Variants in HS3ST4 observed in about 807,000 individuals in gnomAD.
The protein encoded by HS3ST4 is heparan sulfate glucosamine 3-O-sulfotransferase 4.
In HS3ST4, 17 loss-of-function variants were observed where a neutral mutation model predicts 29.2. The ratio of observed to expected loss-of-function variants is 0.58; its 90% CI spans 0.40 to 0.87. The LOEUF (loss-of-function observed/expected upper bound fraction) is 0.87. HS3ST4 is among the 40% of genes least tolerant of loss of function. HS3ST4 has a pLI of 0.00. For missense variants in HS3ST4, 627 were observed against 634.5 expected (o/e 0.99, Z 0.13); for synonymous variants, 314 against 285.7 (o/e 1.10, Z -1.00).
At chr16:25,816,713 C>T (rs1420909082) in intron 1 of HS3ST4, among the ~76,000 whole-genome samples, 1 of 152,058 alleles carries the variant, frequency 6.6e-6, no homozygotes, top group African/African-American at 2.4e-5. Flanking sequence ...CTTACAGTTA[C>T]AGGCTTACAG....
chr16:26,107,385 C>G (rs1468412165), intron 1 of HS3ST4, among the ~76,000 whole-genome samples: 1 of 151,688 alleles, frequency 6.6e-6, no homozygotes, highest in South Asian at 2.1e-4. Flanking sequence ...CACACACACA[C>G]ATACATGCAC....
intron 1 of HS3ST4, among the ~76,000 whole-genome samples, chr16:25,807,813 T>A (rs1967003409): frequency 6.6e-6 from 1 of 152,156 alleles, no homozygotes; most frequent in South Asian, 2.1e-4. Flanking sequence ...AGTATTGGAG[T>A]TGTCATTATT....
intron 1 of HS3ST4, among the ~76,000 whole-genome samples, chr16:25,927,793 A>G (rs1229779109): frequency 6.6e-6 from 1 of 152,012 alleles, no homozygotes; most frequent in African/African-American, 2.4e-5. Flanking sequence ...TCATCCATCA[A>G]TTCAGAAAGT....
chr16:26,092,176 C>T (rs1898865457), intron 1 of HS3ST4, among the ~76,000 whole-genome samples: 1 of 152,156 alleles, frequency 6.6e-6, no homozygotes, highest in Non-Finnish European at 1.5e-5. Flanking sequence ...AGGCACTGTT[C>T]AAGGTTCTGT....
chr16:26,015,622 T>G (rs1247186266), intron 1 of HS3ST4, among the ~76,000 whole-genome samples: 1 of 152,194 alleles, frequency 6.6e-6, no homozygotes, highest in Admixed American at 6.5e-5. Context: ...TCCAGCCCTC[T>G]GATTGCATGG....
chr16:25,763,137 G>C (rs1966799003), intron 1 of HS3ST4, among the ~76,000 whole-genome samples: 1 of 152,086 alleles, frequency 6.6e-6, no homozygotes, highest in Non-Finnish European at 1.5e-5. Context: ...AATCCACTCA[G>C]GTAGCAGGCT....
Position 25,718,518 on chromosome 16 carries a change from GAA to G in HS3ST4, c.734+25369_734+25370del, listed in dbSNP as rs576518042. Among the ~76,000 whole-genome samples the G allele has an allele frequency of 8.0e-3, 1,095 of 137,190 alleles. 16 individuals carry two copies. Among genetic ancestry groups the G allele is most frequent in the African/African-American group, 0.027 (1,051 of 38,320 alleles). 90.0% of individuals were successfully genotyped at this position (137,190 alleles called of 152,430 possible). A position where few individuals can be genotyped will look rare whatever the true frequency, so the allele number is the denominator to read the frequency against. ...CAGAAATGGGAGAGAGAGAGAGAGAGAAAGAAAGAGAGACTTTCTTTTGTTGT... is the reference window on the plus strand; with the variant it reads ...CAGAAATGGGAGAGAGAGAGAGAGAGAGAAAGAGAGACTTTCTTTTGTTGT... On this transcript the variant is annotated intron_variant, in intron 1 of 1. Coordinates refer to ENST00000331351, the MANE Select transcript of HS3ST4 (RefSeq NM_006040.3).
intron 1 of HS3ST4, among the ~76,000 whole-genome samples, chr16:25,761,582 A>G (rs1596563280): frequency 1.3e-5 from 2 of 152,188 alleles, no homozygotes; most frequent in African/African-American, 4.8e-5. Context: ...AGTCATCCAC[A>G]TCAGCCTAAC....
intron 1 of HS3ST4, among the ~76,000 whole-genome samples, chr16:25,971,939 A>G (rs527559007): frequency 6.6e-6 from 1 of 152,114 alleles, no homozygotes; most frequent in Non-Finnish European, 1.5e-5. Flanking sequence ...TCAAAAAAGA[A>G]AGAAAGAAAA....
intron 1 of HS3ST4, among the ~76,000 whole-genome samples, chr16:26,039,874 G>A (rs1394882737): frequency 6.6e-6 from 1 of 152,042 alleles, no homozygotes; most frequent in African/African-American, 2.4e-5. Context: ...GAATTGCATG[G>A]CGATTTTGTC....
intron 1 of HS3ST4, among the ~76,000 whole-genome samples, chr16:25,717,513 G>A (rs1966462958): frequency 4.4e-5 from 2 of 45,260 alleles, no homozygotes; most frequent in Non-Finnish European, 9.2e-5. Flanking sequence ...GTGAAGGGGT[G>A]TGTGTGTGTG....
At chr16:25,967,692 G>T (rs962757242) in intron 1 of HS3ST4, among the ~76,000 whole-genome samples, 5 of 152,118 alleles carry the variant, frequency 3.3e-5, no homozygotes, top group Non-Finnish European at 5.9e-5. Flanking sequence ...GAGTTGATCT[G>T]AGAATCACCT....
Position 26,061,594 on chromosome 16 carries a change from T to C in HS3ST4, c.735-74018T>C, listed in dbSNP as rs553073272. On this transcript the variant is annotated intron_variant, in intron 1 of 1. Coordinates refer to ENST00000331351, the MANE Select transcript of HS3ST4 (RefSeq NM_006040.3). ...TTGTCCAGAATTAATGTAGGACTTT[T>C]GTTGGAAGTGACGCAAAATCTGACC... Among the ~76,000 whole-genome samples the C allele has an allele frequency of 1.1e-3, 171 of 152,360 alleles. 1 individual carries two copies. Among genetic ancestry groups the C allele is most frequent in the Non-Finnish European group, 4.7e-4 (32 of 68,034 alleles).
chr16:25,895,754 G>A (rs1255308083), intron 1 of HS3ST4, among the ~76,000 whole-genome samples: 1 of 151,846 alleles, frequency 6.6e-6, no homozygotes, highest in Non-Finnish European at 1.5e-5. Flanking sequence ...GAGAGAGAGA[G>A]AGAGAGATCA....
At chr16:25,997,828 T>C (rs1009324013) in intron 1 of HS3ST4, among the ~76,000 whole-genome samples, 1 of 152,152 alleles carries the variant, frequency 6.6e-6, no homozygotes, top group Non-Finnish European at 1.5e-5. Flanking sequence ...AATTGCTCCC[T>C]TAAGGATAAA....
chr16:25,694,155 T>A (rs1966276519), intron 1 of HS3ST4, among the ~76,000 whole-genome samples: 1 of 152,206 alleles, frequency 6.6e-6, no homozygotes, highest in Non-Finnish European at 1.5e-5. Context: ...TAATTGCAAA[T>A]GTCAAACAGA....
intron 1 of HS3ST4, among the ~76,000 whole-genome samples, chr16:25,986,471 A>C (rs989132603): frequency 6.6e-6 from 1 of 152,204 alleles, no homozygotes; most frequent in Admixed American, 6.5e-5. Flanking sequence ...GAAGGCCTGA[A>C]GCGTGACCTA....
chr16:26,137,547 A>C lies in HS3ST4; in HGVS notation c.*1299A>C, dbSNP rs985088047. On this transcript the variant is annotated 3_prime_UTR_variant, in exon 2 of 2. Transcript: ENST00000331351. Reference sequence around the variant, plus strand: ...TTTGACATAAAGCACTTGTTCACAGATCTCCAAAACCAGGAATTGTTCTAG... The same window carrying C: ...TTTGACATAAAGCACTTGTTCACAGCTCTCCAAAACCAGGAATTGTTCTAG... The C allele has an allele frequency of 2.0e-5, 3 of 152,184 alleles. No individual in the cohort carries two copies. The highest frequency in any genetic ancestry group is 4.4e-5 in the Non-Finnish European group (3 of 68,030). 9.4% of individuals were successfully genotyped at this position (152,184 alleles called of 1,614,324 possible). A position where few individuals can be genotyped will look rare whatever the true frequency, so the allele number is the denominator to read the frequency against.
intron 1 of HS3ST4, among the ~76,000 whole-genome samples, chr16:26,086,741 C>G (rs750379843): frequency 4.6e-5 from 7 of 152,156 alleles, no homozygotes; most frequent in Non-Finnish European, 1.0e-4. Context: ...ATGCACAAAG[C>G]CTTTTGACCC....
Sources: gnomAD v4.1 joint callset for allele counts (sites outside exome capture counted in the v4.1 genomes callset) on GRCh38, gnomAD v4.1.1 for gene constraint, MANE v1.5 for transcripts, NCBI Gene and HGNC (gene_info 2026-07-23, HGNC 2026-07-21) for gene names.